EYS: variants seen among roughly 807,000 people sequenced by gnomAD.
EYS encodes EGF-like photoreceptor maintenance factor.
A neutral mutation model predicts 282.1 loss-of-function variants in EYS; 250 were observed. The observed-to-expected ratio is 0.89, with a 90% CI of 0.80 to 0.98. The LOEUF (loss-of-function observed/expected upper bound fraction) is 0.98. Ranked by LOEUF, EYS falls within the 50% of genes least tolerant of loss-of-function variation. The probability of loss-of-function intolerance (pLI) is 0.00; values close to 1 mark genes in which losing one functional copy is unlikely to be tolerated. For missense variants in EYS, 4,016 were observed against 3,709.0 expected, an observed-to-expected ratio of 1.08 and a Z score of -2.15; for synonymous variants, 1,355 against 1,282.9, an observed-to-expected ratio of 1.06 and a Z score of -1.20.
At chr6:64,473,556 T>A (rs1054888997) in intron 26 of EYS, among the ~76,000 whole-genome samples, 7 of 152,202 alleles carry the variant, frequency 4.6e-5, no homozygotes, top group Non-Finnish European at 8.8e-5. Flanking sequence ...AAAGTAAATA[T>A]TAGTAAATGA....
At chr6:64,288,205 C>T (rs1331668095) in intron 30 of EYS, among the ~76,000 whole-genome samples, 2 of 151,998 alleles carry the variant, frequency 1.3e-5, no homozygotes, top group Non-Finnish European at 2.9e-5. Context: ...CCTTGGGTGT[C>T]TTTTTACTCA....
chr6:65,604,357 A>G (rs1291777174), intron 2 of EYS, among the ~76,000 whole-genome samples: 3 of 152,020 alleles, frequency 2.0e-5, no homozygotes, highest in Non-Finnish European at 4.4e-5. Context: ...TGTGCGGGCA[A>G]TTCTAGGGAA....
In EYS at chr6:63,720,469, T is replaced by C. The variant is rs913500579; in HGVS notation, c.*127A>G. ...ATTTTACAATCTTATCAAAAAGATA[T>C]GTTAGCATTTAGACTATTTCAGGTA... On this transcript the variant is annotated 3_prime_UTR_variant, in exon 43 of 43. Coordinates refer to ENST00000503581, the MANE Select transcript of EYS (RefSeq NM_001142800.2). 4 of 643,906 alleles carry C rather than the reference T, an allele frequency of 6.2e-6. No individual in the cohort carries two copies. The highest frequency in any genetic ancestry group is 1.9e-5 in the African/African-American group (1 of 53,292). 39.9% of individuals were successfully genotyped at this position (643,906 alleles called of 1,614,324 possible). A position where few individuals can be genotyped will look rare whatever the true frequency, so the allele number is the denominator to read the frequency against.
At chr6:65,105,560 T>C (rs1242023220) in intron 12 of EYS, among the ~76,000 whole-genome samples, 1 of 151,940 alleles carries the variant, frequency 6.6e-6, no homozygotes, top group Non-Finnish European at 1.5e-5. Context: ...CTATACATTT[T>C]TACATTTCTG....
chr6:64,084,435 G>A (rs987529428), intron 31 of EYS, among the ~76,000 whole-genome samples: 1 of 152,220 alleles, frequency 6.6e-6, no homozygotes, highest in African/African-American at 2.4e-5. Flanking sequence ...TAAAGGGTGG[G>A]AGAGTTTTTA....
intron 29 of EYS, among the ~76,000 whole-genome samples, chr6:64,309,654 G>C (rs1298865908): frequency 1.3e-5 from 2 of 151,738 alleles, no homozygotes; most frequent in Admixed American, 1.3e-4. Flanking sequence ...ACAGACACGT[G>C]GCCAAAAATC....
At chr6:65,426,754 T>C (rs769971122) in intron 5 of EYS, among the ~76,000 whole-genome samples, 84 of 152,264 alleles carry the variant, frequency 5.5e-4, no homozygotes, top group Middle Eastern at 3.4e-3. Flanking sequence ...GGCAAGGAAT[T>C]TACAATACAT....
intron 31 of EYS, among the ~76,000 whole-genome samples, chr6:64,142,170 G>A (rs978076300): frequency 1.3e-5 from 2 of 151,990 alleles, no homozygotes; most frequent in East Asian, 1.9e-4. Context: ...CATGCTGACC[G>A]TTACCTCTGA....
At chr6:64,958,142 A>G (rs961686956) in intron 14 of EYS, among the ~76,000 whole-genome samples, 3 of 152,032 alleles carry the variant, frequency 2.0e-5, no homozygotes, top group African/African-American at 7.2e-5. Context: ...TACATACACA[A>G]TGTATTACAT....
At chr6:64,303,133 C>T (rs1769294033) in intron 30 of EYS, among the ~76,000 whole-genome samples, 1 of 152,160 alleles carries the variant, frequency 6.6e-6, no homozygotes, top group Non-Finnish European at 1.5e-5. Context: ...TTTTAAAATT[C>T]TCTCACTCTG....
chr6:65,117,994 T>C (rs1192810297), intron 12 of EYS, among the ~76,000 whole-genome samples: 1 of 152,108 alleles, frequency 6.6e-6, no homozygotes, highest in African/African-American at 2.4e-5. Context: ...TTACAGACAA[T>C]AACTACAAGA....
At chr6:64,375,342 T>C (rs1009806839) in intron 29 of EYS, among the ~76,000 whole-genome samples, 5 of 152,228 alleles carry the variant, frequency 3.3e-5, no homozygotes, top group Non-Finnish European at 7.3e-5. Flanking sequence ...TGATTTGCTA[T>C]TGCTGCCATC....
intron 14 of EYS, among the ~76,000 whole-genome samples, chr6:64,967,245 T>TACCATTTTTTTTTTTTTTAA (rs1770126769): frequency 1.3e-5 from 2 of 152,164 alleles, no homozygotes; most frequent in Admixed American, 1.3e-4. Context: ...AGAAAGACTC[T>TACCATTTTTTTTTTTTTTAA]GCTTATTTTT....
At chr6:65,021,441 T>C (rs1772251052) in intron 13 of EYS, among the ~76,000 whole-genome samples, 1 of 152,218 alleles carries the variant, frequency 6.6e-6, no homozygotes, top group African/African-American at 2.4e-5. Flanking sequence ...GCCTCAACTT[T>C]ATTGTCCATA....
chr6:64,109,256 A>T (rs2150265085), intron 31 of EYS, among the ~76,000 whole-genome samples: 1 of 152,240 alleles, frequency 6.6e-6, no homozygotes, highest in Admixed American at 6.5e-5. Context: ...ATAGGTTTTT[A>T]AACATTTTTG....
chr6:64,195,452 G>C (rs577477214), intron 31 of EYS, among the ~76,000 whole-genome samples: 3 of 152,086 alleles, frequency 2.0e-5, no homozygotes, highest in Non-Finnish European at 4.4e-5. Flanking sequence ...ACAGGCACGT[G>C]CCACCATGCC....
At chr6:64,340,025 C>T (rs529137337) in intron 29 of EYS, among the ~76,000 whole-genome samples, 149 of 126,796 alleles carry the variant, frequency 1.2e-3, no homozygotes, top group African/African-American at 4.2e-3. Flanking sequence ...TCAAATATCA[C>T]TTGTACCCCA....
At chr6:64,860,134 T>C (rs139547986) in intron 19 of EYS, among the ~76,000 whole-genome samples, 2 of 152,360 alleles carry the variant, frequency 1.3e-5, no homozygotes, top group Non-Finnish European at 2.9e-5. Flanking sequence ...TCTTTGTGTA[T>C]ACTATCCTTC....
intron 28 of EYS, among the ~76,000 whole-genome samples, chr6:64,431,786 C>A (rs983726637): frequency 2.0e-5 from 3 of 151,938 alleles, no homozygotes; most frequent in Non-Finnish European, 4.4e-5. Flanking sequence ...TATTACCTTC[C>A]TCTCTTCTTT....
Sources: gnomAD v4.1 joint callset for allele counts (sites outside exome capture counted in the v4.1 genomes callset) on GRCh38, gnomAD v4.1.1 for gene constraint, MANE v1.5 for transcripts, NCBI Gene and HGNC (gene_info 2026-07-23, HGNC 2026-07-21) for gene names.